The following ELMO1 variants were observed in gnomAD, a reference collection of about 807,000 sequenced individuals.
The protein encoded by ELMO1 is engulfment and cell motility 1, also known as engulfment and cell motility protein 1.
A neutral mutation model predicts 98.9 loss-of-function variants in ELMO1; 26 were observed. That is an observed-to-expected ratio of 0.26 (90% CI 0.19 to 0.36). ELMO1 has a LOEUF of 0.36. ELMO1 is among the 10% of genes least tolerant of loss of function. The pLI, the probability that ELMO1 is intolerant of heterozygous loss-of-function variation, is 1.00. For synonymous variants in ELMO1, 346 were observed against 346.0 expected (o/e 1.00, Z 0.00); for missense variants, 627 against 935.2 (o/e 0.67, Z 4.30).
At chr7:37,240,799 C>T (rs534036349) in intron 7 of ELMO1, among the ~76,000 whole-genome samples, 1 of 152,036 alleles carries the variant, frequency 6.6e-6, no homozygotes, top group South Asian at 2.1e-4. Context: ...TTATTGTTAC[C>T]GACTTCTAAT....
At chr7:37,119,555 T>C (rs1215010779) in intron 14 of ELMO1, among the ~76,000 whole-genome samples, 1 of 152,188 alleles carries the variant, frequency 6.6e-6, no homozygotes, top group Non-Finnish European at 1.5e-5. Flanking sequence ...AAAACCCACT[T>C]AAAGGTTTTA....
intron 1 of ELMO1, among the ~76,000 whole-genome samples, chr7:37,397,949 A>G (rs1227948892): frequency 6.6e-6 from 1 of 152,200 alleles, no homozygotes; most frequent in Admixed American, 6.5e-5. Flanking sequence ...GAGCTGAACA[A>G]TGAGAACACA....
At chr7:37,315,026 G>A in intron 3 of ELMO1, 104 bp from the exon 4 acceptor site, 3 of 999,082 alleles carry the variant, frequency 3.0e-6, no homozygotes, top group Non-Finnish European at 4.5e-6. Flanking sequence ...ATTGGAATTG[G>A]ACCAATCCCA....
intron 2 of ELMO1, among the ~76,000 whole-genome samples, chr7:37,322,095 T>A (rs1054124722): frequency 1.1e-4 from 17 of 150,432 alleles, no homozygotes; most frequent in Non-Finnish European, 2.4e-4. Context: ...CCTGACCTCA[T>A]GATCCGCCCG....
intron 16 of ELMO1, among the ~76,000 whole-genome samples, chr7:36,968,649 T>C (rs556660252): frequency 1.3e-5 from 2 of 152,348 alleles, no homozygotes; most frequent in East Asian, 1.9e-4. Context: ...TTTTATTTGA[T>C]AGATTGTCAA....
chr7:37,295,971 C>T (rs1562591500), intron 4 of ELMO1, among the ~76,000 whole-genome samples: 2 of 152,304 alleles, frequency 1.3e-5, no homozygotes, highest in South Asian at 4.1e-4. Flanking sequence ...TACATTCCCA[C>T]CGTGTATTTA....
At chr7:37,112,640 T>A (rs1325899781) in intron 14 of ELMO1, among the ~76,000 whole-genome samples, 1 of 152,216 alleles carries the variant, frequency 6.6e-6, no homozygotes, top group Non-Finnish European at 1.5e-5. Flanking sequence ...GGTTGTTATA[T>A]CTGTTATTAA....
intron 2 of ELMO1, among the ~76,000 whole-genome samples, chr7:37,331,333 C>CATTTTTTT (rs1800099692): frequency 7.0e-5 from 2 of 28,716 alleles, no homozygotes; most frequent in Non-Finnish European, 1.4e-4. Context: ...CCACGCCTGG[C>CATTTTTTT]TTTTTTTTTT....
At chr7:37,046,101 C>A (rs1177807495) in intron 15 of ELMO1, among the ~76,000 whole-genome samples, 1 of 152,234 alleles carries the variant, frequency 6.6e-6, no homozygotes, top group African/African-American at 2.4e-5. Flanking sequence ...TTTACCTACA[C>A]ACAATCTTCC....
chr7:37,221,395 C>T (rs1793586665), intron 10 of ELMO1, among the ~76,000 whole-genome samples: 1 of 152,234 alleles, frequency 6.6e-6, no homozygotes, highest in South Asian at 2.1e-4. Flanking sequence ...AACGAACTCA[C>T]TGGCAACTGC....
At chr7:36,858,009 G>A (rs777563569) in intron 21 of ELMO1, among the ~76,000 whole-genome samples, 3 of 152,120 alleles carry the variant, frequency 2.0e-5, no homozygotes, top group African/African-American at 7.2e-5. Context: ...AACTAATAAC[G>A]ACAGTAACTG....
At chr7:36,872,027 T>G (rs1369176708) in intron 19 of ELMO1, among the ~76,000 whole-genome samples, 2 of 152,214 alleles carry the variant, frequency 1.3e-5, no homozygotes, top group African/African-American at 4.8e-5. Context: ...TAGACATTAC[T>G]TGTAGTTATG....
chr7:37,414,116 G>A (rs917011114), intron 1 of ELMO1, among the ~76,000 whole-genome samples: 1 of 131,038 alleles, frequency 7.6e-6, no homozygotes, highest in Non-Finnish European at 1.8e-5. Context: ...AAATAATATT[G>A]AGTGAATGAT....
At chr7:37,427,501 A>T (rs549639294) in intron 1 of ELMO1, among the ~76,000 whole-genome samples, 14 of 152,308 alleles carry the variant, frequency 9.2e-5, no homozygotes, top group African/African-American at 2.9e-4. Flanking sequence ...ACCAAAACCA[A>T]CACCACTATG....
At chr7:36,911,630 T>C (rs944086745) in intron 16 of ELMO1, among the ~76,000 whole-genome samples, 3 of 152,154 alleles carry the variant, frequency 2.0e-5, no homozygotes, top group Non-Finnish European at 4.4e-5. Context: ...TGGGAATACA[T>C]GGGTAACATA....
chr7:37,333,303 G>A (rs149169933), intron 2 of ELMO1, among the ~76,000 whole-genome samples: 52 of 152,270 alleles, frequency 3.4e-4, no homozygotes, highest in African/African-American at 1.2e-3. Context: ...TAAGCACAAA[G>A]TGTAACATTC....
intron 13 of ELMO1, among the ~76,000 whole-genome samples, chr7:37,207,482 TGGA>T (rs1404668779): frequency 6.6e-6 from 1 of 151,942 alleles, no homozygotes; most frequent in African/African-American, 2.4e-5. Flanking sequence ...ACCTGGGAGA[TGGA>T]GGTTACAGTG....
intron 13 of ELMO1, among the ~76,000 whole-genome samples, chr7:37,151,883 T>C (rs926914292): frequency 6.6e-6 from 1 of 152,158 alleles, no homozygotes; most frequent in Admixed American, 6.5e-5. Flanking sequence ...GCAACAGAAA[T>C]ACGGTGACTT....
At chr7:36,939,891 C>CTGTA (rs1228914318) in intron 16 of ELMO1, among the ~76,000 whole-genome samples, 2 of 152,254 alleles carry the variant, frequency 1.3e-5, no homozygotes, top group African/African-American at 4.8e-5. Context: ...CTTCACAACA[C>CTGTA]TGTATGCTCC....
Sources: gnomAD v4.1 joint callset for allele counts (sites outside exome capture counted in the v4.1 genomes callset) on GRCh38, gnomAD v4.1.1 for gene constraint, MANE v1.5 for transcripts, NCBI Gene and HGNC (gene_info 2026-07-23, HGNC 2026-07-21) for gene names.